VEZT: variants seen among roughly 807,000 people sequenced by gnomAD.
The protein encoded by VEZT is vezatin.
In VEZT, 39 loss-of-function variants were observed where a neutral mutation model predicts 79.9. The ratio of observed to expected loss-of-function variants is 0.49; its 90% CI spans 0.38 to 0.64. The LOEUF (loss-of-function observed/expected upper bound fraction) is 0.64, where lower values mean the gene tolerates loss of function less well. Among genes scored for constraint, VEZT ranks in the 30% least tolerant of loss-of-function variants. The pLI is 0.00. For synonymous variants in VEZT, 325 were observed against 327.6 expected, an observed-to-expected ratio of 0.99 and a Z score of 0.09; for missense variants, 837 against 893.1, an observed-to-expected ratio of 0.94 and a Z score of 0.80.
At chr12:95,249,513 T>C (rs1396979152) in intron 1 of VEZT, among the ~76,000 whole-genome samples, 1 of 152,202 alleles carries the variant, frequency 6.6e-6, no homozygotes, top group Non-Finnish European at 1.5e-5. Flanking sequence ...AGGGATATAT[T>C]ACTTTTTTAA....
Position 95,296,074 on chromosome 12 carries a change from T to G in VEZT, c.1647T>G (p.Asp549Glu), listed in dbSNP as rs2074073554. Residue 549 changes from aspartate (D) to glutamate (E), a missense_variant, in exon 11 of 12, where the codon GAT (aspartate) becomes GAG (glutamate). Coordinates refer to ENST00000436874, the MANE Select transcript of VEZT (RefSeq NM_017599.4). ...AGGAATTAGAAGCTTATGTAGATGA[T>G]ATAGATATTGATAGTGATTTCAGAA... ...EEQELEAYVD[D>E]IDIDSDFRKD... 1 of 1,554,434 alleles carries G rather than the reference T, an allele frequency of 6.4e-7. No individual in the cohort carries two copies. Among genetic ancestry groups the G allele is most frequent in the Non-Finnish European group, 8.7e-7 (1 of 1,148,002 alleles).
chr12:95,253,495 TG>T (rs962610925), intron 2 of VEZT, among the ~76,000 whole-genome samples: 2 of 152,106 alleles, frequency 1.3e-5, no homozygotes, highest in African/African-American at 4.8e-5. Flanking sequence ...CTTTTAAGAG[TG>T]AATGTTCCTG....
At chr12:95,284,954 C>T (rs747241312) in intron 8 of VEZT, among the ~76,000 whole-genome samples, 1 of 151,888 alleles carries the variant, frequency 6.6e-6, no homozygotes, top group Non-Finnish European at 1.5e-5. Context: ...GGCATGGTGG[C>T]AGGCGCCTGT....
chr12:95,278,771 G>A (rs2068330361), intron 7 of VEZT, among the ~76,000 whole-genome samples: 1 of 152,154 alleles, frequency 6.6e-6, no homozygotes, highest in South Asian at 2.1e-4. Context: ...TCTTATCCAG[G>A]CGTGAGTCTT....
At chr12:95,224,161 T>C (rs2136536897) in intron 1 of VEZT, 1 of 456,072 alleles carries the variant, frequency 2.2e-6, no homozygotes, top group South Asian at 1.5e-5. Context: ...CATTCCCTTG[T>C]CCTCTGGGTT....
intron 1 of VEZT, among the ~76,000 whole-genome samples, chr12:95,250,303 AT>A (rs202062093): frequency 0.15 from 17,617 of 116,416 alleles, 1,148 homozygotes; most frequent in African/African-American, 0.17. Context: ...TAATTTTTTA[AT>A]TTTTTTTTTT....
chr12:95,293,275 C>T (rs988918155), intron 9 of VEZT, among the ~76,000 whole-genome samples: 5 of 152,224 alleles, frequency 3.3e-5, no homozygotes, highest in Non-Finnish European at 7.3e-5. Context: ...ATTTATTCAT[C>T]GTTCTGCCAT....
chr12:95,266,596 T>C lies in VEZT; in HGVS notation c.674T>C (p.Ile225Thr). The stretch of plus-strand genomic sequence containing the variant: ...CTCGTGAGAAAAGCTTTACGTCTCA[T>C]TCAAGAAACCGAAGTGATTTCCAGA... ...TNLVRKALRL[I>T]QETEVISRGF... is the part of the protein sequence containing the mutation. The change falls in exon 5 of 12, where the codon ATT (isoleucine) becomes ACT (threonine). Residue 225 changes from isoleucine (I) to threonine (T), a missense_variant. Physicochemically the swap from Ile to Thr is moderately conservative, Grantham distance 89. Coordinates refer to ENST00000436874, the MANE Select transcript of VEZT (RefSeq NM_017599.4). The C allele has an allele frequency of 6.2e-7, 1 of 1,612,882 alleles. No homozygotes were observed. The highest frequency in any genetic ancestry group is 1.1e-5 in the South Asian group (1 of 91,032).
At chr12:95,252,139 T>C in intron 2 of VEZT, 68 bp downstream of exon 2, 1 of 1,504,900 alleles carries the variant, frequency 6.6e-7, no homozygotes, top group Non-Finnish European at 8.9e-7. Context: ...ATTCAGATAC[T>C]TCTTAAGCAC....
intron 8 of VEZT, among the ~76,000 whole-genome samples, chr12:95,285,787 T>C (rs1220257955): frequency 1.3e-5 from 2 of 152,138 alleles, no homozygotes; most frequent in African/African-American, 2.4e-5. Context: ...TTTTCTTTTC[T>C]GATAAAGAAA....
At chr12:95,257,682 C>G (rs935489338) in intron 3 of VEZT, among the ~76,000 whole-genome samples, 1 of 152,210 alleles carries the variant, frequency 6.6e-6, no homozygotes, top group South Asian at 2.1e-4. Flanking sequence ...GGGGGAAATA[C>G]TTCAACCTTC....
intron 11 of VEZT, 142 bp downstream of exon 11, chr12:95,296,400 C>G: frequency 1.7e-6 from 1 of 599,166 alleles, no homozygotes; most frequent in Non-Finnish European, 2.6e-6. Context: ...CTTCTAGATG[C>G]TAAATCAATT....
At chr12:95,239,935 G>A (rs1407091603) in intron 1 of VEZT, among the ~76,000 whole-genome samples, 1 of 142,606 alleles carries the variant, frequency 7.0e-6, no homozygotes, top group East Asian at 2.0e-4. Flanking sequence ...CTGAGCAACA[G>A]AGGGAGACTC....
At chr12:95,281,448 A>G (rs1360124128) in intron 7 of VEZT, among the ~76,000 whole-genome samples, 1 of 152,166 alleles carries the variant, frequency 6.6e-6, no homozygotes, top group Non-Finnish European at 1.5e-5. Flanking sequence ...ATTGCACTCT[A>G]GCCTGGGCAA....
At chr12:95,299,962 T>C (rs913223434) in intron 11 of VEZT, 1 of 369,602 alleles carries the variant, frequency 2.7e-6, no homozygotes, top group Non-Finnish European at 4.7e-6. Flanking sequence ...CAAATCCCTA[T>C]CTCATTTCAT....
chr12:95,239,193 T>A (rs2060567958), intron 1 of VEZT, among the ~76,000 whole-genome samples: 2 of 152,196 alleles, frequency 1.3e-5, no homozygotes, highest in Admixed American at 1.3e-4. Flanking sequence ...ATTTTTTAAA[T>A]TTTTAGTATA....
In VEZT at chr12:95,282,609, T is replaced by C; in HGVS notation, c.1293T>C (p.Arg431=). The C allele has an allele frequency of 1.9e-6, 3 of 1,610,788 alleles. No individual in the cohort carries two copies. Among genetic ancestry groups the C allele is most frequent in the Non-Finnish European group, 2.5e-6 (3 of 1,177,522 alleles). The change falls in exon 8 of 12, where the codon CGT becomes CGC. Residue 431 remains arginine, a synonymous_variant. Transcript: ENST00000436874. ...TGAATAATGTTCACACAGCAGTGCG[T>C]AGCTTGCAGCTCCATCTGAAAGCAT... is the stretch of plus-strand genomic sequence containing the variant. The part of the protein sequence containing the change: ...RELNNVHTAV[R]SLQLHLKALL...
chr12:95,299,881 A>G, intron 11 of VEZT: 1 of 191,974 alleles, frequency 5.2e-6, no homozygotes, highest in Non-Finnish European at 1.1e-5. Context: ...TGGTTCAGGG[A>G]ACACACTTTC....
intron 8 of VEZT, among the ~76,000 whole-genome samples, chr12:95,285,438 T>C (rs898283680): frequency 2.0e-5 from 3 of 152,108 alleles, no homozygotes; most frequent in African/African-American, 7.2e-5. Context: ...AGTGAGACCC[T>C]GTCTCAAAAA....
Sources: gnomAD v4.1 joint callset for allele counts (sites outside exome capture counted in the v4.1 genomes callset) on GRCh38, gnomAD v4.1.1 for gene constraint, MANE v1.5 for transcripts, NCBI Gene and HGNC (gene_info 2026-07-23, HGNC 2026-07-21) for gene names.